The following MED25 variants were observed in gnomAD, a reference collection of about 807,000 sequenced individuals.
MED25 encodes mediator complex subunit 25.
Under a neutral mutation model 89.4 loss-of-function variants are expected in MED25, and 62 were observed. The ratio of observed to expected loss-of-function variants is 0.69; its 90% CI spans 0.57 to 0.86. The LOEUF is 0.86. MED25 is among the 40% of genes least tolerant of loss of function. MED25 has a pLI of 0.00. For synonymous variants in MED25, 449 were observed against 427.9 expected (o/e 1.05, Z -0.61); for missense variants, 905 against 1,005.2 (o/e 0.90, Z 1.35).
Position 49,829,854 on chromosome 19 carries a change from A to T in MED25, c.594A>T (p.Ala198=). The T allele has an allele frequency of 1.2e-6, 2 of 1,612,428 alleles. No individual in the cohort carries two copies. The highest frequency in any genetic ancestry group is 1.7e-6 in the Non-Finnish European group (2 of 1,179,596). The change falls in exon 6 of 18, where the codon GCA becomes GCT. Residue 198 remains alanine (A), a synonymous_variant. Coordinates refer to ENST00000312865, the MANE Select transcript of MED25 (RefSeq NM_030973.4). The surrounding 1 kb of genome is among the most constrained non-coding windows in gnomAD (Gnocchi z 4.6). The part of the protein sequence containing the change: ...LPALRLLFEK[A]APPALLEPLQ... ...CGCTTCGGCTTCTGTTTGAGAAGGC[A>T]GCCCCCCCGGCCTTGCTGGAGCCGC...
In MED25 at chr19:49,836,208, C is replaced by G. The variant is rs2074096580; in HGVS notation, c.1966-18C>G. 1 of 1,611,256 alleles carries G rather than the reference C, an allele frequency of 6.2e-7. No individual in the cohort carries two copies. The highest frequency in any genetic ancestry group is 8.5e-7 in the Non-Finnish European group (1 of 1,179,568). Reference sequence around the variant, plus strand: ...GTCTCTACCAGGAGCCTCTGAGCCACTCTCTGTGTTCTCCCAGCCGCAGAC... The same window carrying G: ...GTCTCTACCAGGAGCCTCTGAGCCAGTCTCTGTGTTCTCCCAGCCGCAGAC... On this transcript the variant is annotated intron_variant, in intron 16 of 17. Coordinates refer to ENST00000312865, the MANE Select transcript of MED25 (RefSeq NM_030973.4). The surrounding 1 kb of genome is among the most constrained non-coding windows in gnomAD (Gnocchi z 5.1).
chr19:49,820,724 AT>A (rs2073975936), intron 3 of MED25, among the ~76,000 whole-genome samples: 3 of 152,088 alleles, frequency 2.0e-5, no homozygotes, highest in Admixed American at 2.0e-4. Context: ...CATAGAACTT[AT>A]TTCTCTTTTT....
intron 3 of MED25, among the ~76,000 whole-genome samples, chr19:49,823,941 T>C (rs2073999595): frequency 6.6e-6 from 1 of 152,094 alleles, no homozygotes; most frequent in African/African-American, 2.4e-5. Flanking sequence ...CAAAAATGTC[T>C]CCAGGCATTA....
At chr19:49,823,372 G>GGGGGC (rs2073996080) in intron 3 of MED25, among the ~76,000 whole-genome samples, 1 of 152,150 alleles carries the variant, frequency 6.6e-6, no homozygotes, top group Non-Finnish European at 1.5e-5. Flanking sequence ...GTGCTGTATT[G>GGGGGC]GGGGCTGGGT....
At position 49,818,612 on chromosome 19, in the gene MED25, G is replaced by A. The variant is rs1313703110; in HGVS notation, c.176G>A (p.Gly59Glu). 6.2e-7 allele frequency: 1 copy of A among 1,614,004 alleles called. No homozygotes were observed. Among genetic ancestry groups the A allele is most frequent in the Non-Finnish European group, 8.5e-7 (1 of 1,179,962 alleles). Reference protein sequence around the residue: ...GGPPAETDFGGDYGGTQYSLV... With the variant: ...GGPPAETDFGEDYGGTQYSLV... ...CCTCCTGCTGAGACGGACTTCGGGG[G>A]AGACGTGAGTCTAGGGACTCCTGGG... is the stretch of plus-strand genomic sequence containing the variant. Residue 59 changes from glycine to glutamate, a missense_variant, in exon 2 of 18, where the codon GGA (glycine) becomes GAA (glutamate). Around this residue, in one of 3 missense-constraint regions of MED25, gnomAD observed 501 missense variants for 526.9 expected, o/e 0.95. Transcript: ENST00000312865.
intron 3 of MED25, among the ~76,000 whole-genome samples, chr19:49,820,988 A>G (rs550187312): frequency 6.6e-5 from 10 of 152,222 alleles, no homozygotes; most frequent in Non-Finnish European, 1.3e-4. Context: ...GATTACCACC[A>G]AATAATGGCT....
intron 3 of MED25, among the ~76,000 whole-genome samples, chr19:49,820,437 G>A (rs907855582): frequency 8.5e-5 from 13 of 152,222 alleles, no homozygotes; most frequent in Non-Finnish European, 1.8e-4. Flanking sequence ...CTAGGCACGG[G>A]CTTATCCCAT....
intron 4 of MED25, among the ~76,000 whole-genome samples, chr19:49,828,752 G>A (rs769378603): frequency 1.5e-4 from 23 of 152,210 alleles, no homozygotes; most frequent in Non-Finnish European, 3.1e-4. Context: ...AGGAAGCAGT[G>A]CCAACTCTGG....
chr19:49,832,453 C>T, intron 13 of MED25, 38 bp downstream of exon 13: 1 of 1,196,702 alleles, frequency 8.4e-7, no homozygotes, highest in Admixed American at 1.8e-5. Flanking sequence ...GGTGTTGACT[C>T]TTGTCCTGCT....
downstream of MED25, chr19:49,838,375 C>T (rs971236879): frequency 2.8e-6 from 1 of 357,054 alleles, no homozygotes; most frequent in African/African-American, 2.1e-5. Flanking sequence ...CTGGGCCCGC[C>T]CTTCTGCCTG....
chr19:49,818,844 G>A (rs1372175278), intron 2 of MED25: 2 of 598,866 alleles, frequency 3.3e-6, no homozygotes, highest in Non-Finnish European at 5.9e-6. Flanking sequence ...GAGGGAGCTA[G>A]GGGCCCAGAT....
chr19:49,823,235 C>T (rs1013322), intron 3 of MED25, among the ~76,000 whole-genome samples: 98,519 of 151,984 alleles, frequency 0.65, 32,500 homozygotes, highest in East Asian at 0.78. Flanking sequence ...GTGCTGAGAT[C>T]ACAGGCCTGA....
rs371175877 is a variant in MED25, at chr19:49,830,707, C to T, written c.921C>T (p.Thr307=). Residue 307 remains threonine, a synonymous_variant, in exon 9 of 18, where the codon ACC becomes ACT. Transcript: ENST00000312865. This position sits in a 1 kb window ranked among gnomAD's most constrained non-coding sequence, Gnocchi z 4.6. ...TCTCTCCCACAGTCTCGCCCATCAC[C>T]CCTCTCCAACAAGCTGCTCCCGGAG... is the stretch of plus-strand genomic sequence containing the variant. ...AGLGPRFSPI[T]PLQQAAPGVG... The T allele has an allele frequency of 5.0e-6, 8 of 1,613,924 alleles. No individual in the cohort carries two copies. Among genetic ancestry groups the T allele is most frequent in the African/African-American group, 4.0e-5 (3 of 74,892 alleles).
intron 2 of MED25, 155 bp downstream of exon 2, chr19:49,818,771 G>GGGCCTGGA: frequency 1.3e-6 from 1 of 771,260 alleles, no homozygotes; most frequent in South Asian, 1.6e-5. Flanking sequence ...GAGGGCCTGG[G>GGGCCTGGA]GGCCTGGACT....
intron 3 of MED25, among the ~76,000 whole-genome samples, chr19:49,826,733 A>G (rs1177222695): frequency 6.6e-6 from 1 of 152,152 alleles, no homozygotes; most frequent in Non-Finnish European, 1.5e-5. Flanking sequence ...GGCTTCCTAT[A>G]GGAGGGCACA....
rs140345077 is a variant in MED25, at chr19:49,830,848, C to T, written c.1062C>T (p.Ser354=). ...PSLVSTVAPG[S]GLAPTAQPGA... ...TGGTCTCCACTGTGGCCCCTGGCTC[C>T]GGCCTGGCTCCCACGGCACAGCCCG... Residue 354 remains serine, a synonymous_variant, in exon 9 of 18, where the codon TCC becomes TCT. Coordinates refer to ENST00000312865, the MANE Select transcript of MED25 (RefSeq NM_030973.4). The surrounding 1 kb of genome is among the most constrained non-coding windows in gnomAD (Gnocchi z 4.6). The T allele has an allele frequency of 3.4e-4, 552 of 1,612,344 alleles. 4 individuals are homozygous for T. In the South Asian group the frequency reaches 4.7e-3, roughly 14 times the overall value.
In MED25 at chr19:49,836,009, G is replaced by A. The variant is rs2074095217; in HGVS notation, c.1965+64G>A. ...TGGCCCTGGTGGTTCTGGTCCTGTT[G>A]TCTGGGAGGAGGGAGGTTGACTGTG... On this transcript the variant is annotated intron_variant, in intron 16 of 17. Transcript: ENST00000312865. The surrounding 1 kb of genome is among the most constrained non-coding windows in gnomAD (Gnocchi z 5.1). 8.8e-6 allele frequency: 14 copies of A among 1,587,092 alleles called. No homozygotes were observed. Among genetic ancestry groups the A allele is most frequent in the Admixed American group, 1.8e-5 (1 of 56,270 alleles).
At chr19:49,824,993 T>A (rs1444233286) in intron 3 of MED25, among the ~76,000 whole-genome samples, 1 of 152,138 alleles carries the variant, frequency 6.6e-6, no homozygotes, top group African/African-American at 2.4e-5. Context: ...TAGGGGGCTT[T>A]TATTTTTATT....
In MED25 at chr19:49,830,394, G is replaced by A. The variant is rs2074046413; in HGVS notation, c.820-117G>A. ...ATGTGCTGTGTGATGGGTGTTGTGA[G>A]CTAAGCTATCCCAGCTGGTGCCTCA... is the stretch of plus-strand genomic sequence containing the variant. On this transcript the variant is annotated intron_variant, in intron 7 of 17. Coordinates refer to ENST00000312865, the MANE Select transcript of MED25 (RefSeq NM_030973.4). The surrounding 1 kb of genome is among the most constrained non-coding windows in gnomAD (Gnocchi z 4.6). The A allele has an allele frequency of 2.5e-6, 3 of 1,210,112 alleles. No individual in the cohort carries two copies. The highest frequency in any genetic ancestry group is 3.6e-6 in the Non-Finnish European group (3 of 835,242). 75.0% of individuals were successfully genotyped at this position (1,210,112 alleles called of 1,614,324 possible).
Sources: gnomAD v4.1 joint callset for allele counts (sites outside exome capture counted in the v4.1 genomes callset) on GRCh38, gnomAD v4.1.1 for gene constraint, gnomAD v4.1.1 regional missense constraint, Gnocchi (gnomAD v3.1) non-coding constraint, MANE v1.5 for transcripts, NCBI Gene and HGNC (gene_info 2026-07-23, HGNC 2026-07-21) for gene names.